CCL17: variants seen among roughly 807,000 people sequenced by gnomAD.
CCL17 encodes the protein C-C motif chemokine 17.
Under a neutral mutation model 7.4 loss-of-function variants are expected in CCL17, and 8 were observed. The observed-to-expected ratio is 1.09, with a 90% confidence interval of 0.64 to 1.96. CCL17 has a LOEUF of 1.96. Ranked by LOEUF, CCL17 falls within the 30% of genes most tolerant of loss-of-function variation. The pLI, the probability that CCL17 is intolerant of heterozygous loss-of-function variation, is 0.00. For missense variants in CCL17, 102 were observed against 113.0 expected (o/e 0.90, Z 0.44); for synonymous variants, 40 against 46.1 (o/e 0.87, Z 0.54).
upstream of CCL17, among the ~76,000 whole-genome samples, chr16:57,403,554 T>C (rs1371016596): frequency 3.5e-5 from 1 of 28,492 alleles, no homozygotes; most frequent in Non-Finnish European, 5.1e-5. Context: ...ATATATTTTA[T>C]ATATATATAA....
At chr16:57,400,365 A>C (rs1902576121), upstream of CCL17, among the ~76,000 whole-genome samples, 1 of 152,170 alleles carries the variant, frequency 6.6e-6, no homozygotes, top group Non-Finnish European at 1.5e-5. Context: ...TCTCAAAAAA[A>C]AAATTATAAA....
chr16:57,408,795 C>T (rs927615056), intron 1 of CCL17, among the ~76,000 whole-genome samples: 18 of 151,504 alleles, frequency 1.2e-4, no homozygotes, highest in Non-Finnish European at 2.5e-4. Context: ...AGGATGGTCT[C>T]GATCTCCTGA....
At chr16:57,411,501 C>T (rs1214902244) in intron 1 of CCL17, among the ~76,000 whole-genome samples, 4 of 152,248 alleles carry the variant, frequency 2.6e-5, no homozygotes, top group Non-Finnish European at 5.9e-5. Context: ...TCAGAACCCA[C>T]CGGGGAGTTT....
chr16:57,398,591 G>A, the CCL17 span, among the ~76,000 whole-genome samples: 1 of 151,876 alleles, frequency 6.6e-6, no homozygotes, highest in African/African-American at 2.4e-5. Context: ...AGGAACCCCT[G>A]CAACTGTTTT....
chr16:57,405,846 A>T (rs62037105), intron 1 of CCL17, among the ~76,000 whole-genome samples: 10,336 of 150,808 alleles, frequency 0.069, 564 homozygotes, highest in African/African-American at 0.15. Context: ...ATCCTGGCTA[A>T]CACGGTGAAA....
intron 1 of CCL17, among the ~76,000 whole-genome samples, chr16:57,407,350 T>A (rs1902711330): frequency 1.3e-5 from 2 of 152,112 alleles, no homozygotes; most frequent in African/African-American, 4.8e-5. Flanking sequence ...GTAAACTAGA[T>A]GGGGGAGGAG....
At chr16:57,412,902 A>G (rs1198278782) in intron 1 of CCL17, among the ~76,000 whole-genome samples, 1 of 152,168 alleles carries the variant, frequency 6.6e-6, no homozygotes, top group Non-Finnish European at 1.5e-5. Flanking sequence ...AGTCACAGAG[A>G]AGCCAGTTCA....
At chr16:57,398,720 T>C in the CCL17 span, among the ~76,000 whole-genome samples, 1 of 152,192 alleles carries the variant, frequency 6.6e-6, no homozygotes, top group Admixed American at 6.5e-5. Flanking sequence ...AGCTGGGCCT[T>C]CAATTTAGAT....
At chr16:57,399,989 T>G (rs1473240262), upstream of CCL17, among the ~76,000 whole-genome samples, 11 of 152,056 alleles carry the variant, frequency 7.2e-5, no homozygotes, top group African/African-American at 2.7e-4. Context: ...AGATGGGAGC[T>G]CAGTCTGAAA....
chr16:57,412,201 T>G (rs1902795225), intron 1 of CCL17, among the ~76,000 whole-genome samples: 1 of 152,208 alleles, frequency 6.6e-6, no homozygotes, highest in African/African-American at 2.4e-5. Context: ...AGAGAGGGTC[T>G]GTGAGCCGCC....
chr16:57,415,276 C>A lies in CCL17; in HGVS notation c.188+78C>A. On this transcript the variant is annotated intron_variant, in intron 3 of 3. Coordinates refer to ENST00000219244, the MANE Select transcript of CCL17 (RefSeq NM_002987.3). This position sits in a 1 kb window ranked among gnomAD's most constrained non-coding sequence, Gnocchi z 4.5. ...TGCACCCTGGAGCTCCCAGGACGGCCAATGGGGAGCAGGGAAGAGACAGCG... is the reference window on the plus strand; with the variant it reads ...TGCACCCTGGAGCTCCCAGGACGGCAAATGGGGAGCAGGGAAGAGACAGCG... 1 of 934,454 alleles carries A rather than the reference C, an allele frequency of 1.1e-6. No individual in the cohort carries two copies. The allele number at this position is 934,454 out of a possible 1,614,324, so 57.9% of individuals were successfully genotyped here. A position where few individuals can be genotyped will look rare whatever the true frequency, so the allele number is the denominator to read the frequency against.
At chr16:57,396,182 G>T in the CCL17 span, among the ~76,000 whole-genome samples, 2 of 152,182 alleles carry the variant, frequency 1.3e-5, no homozygotes, top group Non-Finnish European at 2.9e-5. Flanking sequence ...GCTCTGCACT[G>T]ACAGACTTGA....
intron 1 of CCL17, among the ~76,000 whole-genome samples, chr16:57,406,037 G>A (rs1312209817): frequency 3.0e-5 from 3 of 98,490 alleles, no homozygotes; most frequent in Non-Finnish European, 6.7e-5. Context: ...GCAAGACTCC[G>A]TCTCAAAAAA....
At chr16:57,410,664 T>G (rs223899) in intron 1 of CCL17, among the ~76,000 whole-genome samples, 121,971 of 152,180 alleles carry the variant, frequency 0.8, 49,765 homozygotes, top group African/African-American at 0.95. Flanking sequence ...TGTCTGGAAG[T>G]TCCCTTGGCA....
intron 1 of CCL17, among the ~76,000 whole-genome samples, chr16:57,411,580 C>T (rs189796144): frequency 6.6e-6 from 1 of 152,322 alleles, no homozygotes; most frequent in Non-Finnish European, 1.5e-5. Context: ...ATCAGCTGTC[C>T]CTTGCAGTTG....
chr16:57,414,083 C>CAA, intron 2 of CCL17, 81 bp downstream of exon 2: 3 of 1,113,586 alleles, frequency 2.7e-6, no homozygotes, highest in Non-Finnish European at 3.9e-6. Flanking sequence ...CAGCAATACA[C>CAA]ACGTTTGTGT....
At position 57,415,682 on chromosome 16, in the gene CCL17, G is replaced by C. The variant is rs1477186235; in HGVS notation, c.189-83G>C. 4.7e-6 allele frequency: 4 copies of C among 854,726 alleles called. No homozygotes were observed. The highest frequency in any genetic ancestry group is 6.0e-6 in the Non-Finnish European group (3 of 499,042). 52.9% of individuals were successfully genotyped at this position (854,726 alleles called of 1,614,324 possible). ...GCCCCTCTTGGAGCCTTGGAATCCTGGTCAGCACAGGGCGGGCCGTCCCAG... is the reference window on the plus strand; with the variant it reads ...GCCCCTCTTGGAGCCTTGGAATCCTCGTCAGCACAGGGCGGGCCGTCCCAG... On this transcript the variant is annotated intron_variant, in intron 3 of 3. Transcript: ENST00000219244. The surrounding 1 kb of genome is among the most constrained non-coding windows in gnomAD (Gnocchi z 4.5).
Position 57,414,410 on chromosome 16 carries a change from C to CTTTTTTT in CCL17, c.70+428_70+434dup, listed in dbSNP as rs71152269. Reference sequence around the variant, plus strand: ...TTCCAAGAGCATGTAAAAAAGGATTCTTTTTTTTTTTTTTTTTTTTTTTTT... The same window carrying CTTTTTTT: ...TTCCAAGAGCATGTAAAAAAGGATTCTTTTTTTTTTTTTTTTTTTTTTTTTTTTTTTT... On this transcript the variant is annotated intron_variant, in intron 2 of 3. Coordinates refer to ENST00000219244, the MANE Select transcript of CCL17 (RefSeq NM_002987.3). Among the ~76,000 whole-genome samples, 8 of 75,994 alleles carry CTTTTTTT rather than the reference C, an allele frequency of 1.1e-4. 1 individual carries two copies. Among genetic ancestry groups the CTTTTTTT allele is most frequent in the East Asian group, 1.0e-3 (2 of 1,944 alleles). The allele number at this position is 75,994 out of a possible 152,430, so 49.9% of individuals were successfully genotyped here. A position where few individuals can be genotyped will look rare whatever the true frequency, so the allele number is the denominator to read the frequency against.
intron 1 of CCL17, among the ~76,000 whole-genome samples, chr16:57,406,053 A>AT (rs535934415): frequency 1.4e-3 from 205 of 151,588 alleles, no homozygotes; most frequent in African/African-American, 4.8e-3. Context: ...AAAAAAAAAA[A>AT]GAAGTCTTTA....
Sources: gnomAD v4.1 joint callset for allele counts (sites outside exome capture counted in the v4.1 genomes callset) on GRCh38, gnomAD v4.1.1 for gene constraint, Gnocchi (gnomAD v3.1) non-coding constraint, MANE v1.5 for transcripts, NCBI Gene and HGNC (gene_info 2026-07-23, HGNC 2026-07-21) for gene names.